Variants in KCTD8 observed in about 807,000 individuals in gnomAD.
The protein encoded by KCTD8 is BTB/POZ domain-containing protein KCTD8.
A neutral mutation model predicts 31.5 loss-of-function variants in KCTD8; 27 were observed. The ratio of observed to expected loss-of-function variants is 0.86; its 90% confidence interval spans 0.63 to 1.18. KCTD8 has a LOEUF of 1.18. Among genes scored for constraint, KCTD8 ranks in the 50% most tolerant of loss-of-function variants. KCTD8 has a pLI of 0.00. For synonymous variants in KCTD8, 290 were observed against 280.0 expected (o/e 1.04, Z -0.36); for missense variants, 658 against 647.7 (o/e 1.02, Z -0.17).
chr4:44,350,782 ATTAT>A (rs906187443), intron 1 of KCTD8, among the ~76,000 whole-genome samples: 2 of 152,164 alleles, frequency 1.3e-5, no homozygotes, highest in Non-Finnish European at 2.9e-5. Flanking sequence ...TATCATTTCC[ATTAT>A]TTATTTAACA....
intron 1 of KCTD8, among the ~76,000 whole-genome samples, chr4:44,195,644 G>A (rs956804925): frequency 6.6e-6 from 1 of 152,046 alleles, no homozygotes; most frequent in Non-Finnish European, 1.5e-5. Context: ...AAAATCTTTA[G>A]TATTATGTGT....
chr4:44,441,342 G>A (rs1174721972), intron 1 of KCTD8, among the ~76,000 whole-genome samples: 2 of 151,926 alleles, frequency 1.3e-5, no homozygotes, highest in Non-Finnish European at 2.9e-5. Context: ...GGACTCAAAT[G>A]CTTTATTTTC....
Position 44,213,226 on chromosome 4 carries a change from G to A in KCTD8, c.962-37976C>T, listed in dbSNP as rs373763280. Reference sequence around the variant, plus strand: ...GCTGGGAATACAGGCATGAGCCACCGTGCCCAGCCTTCTTTTTTTTATTGA... The same window carrying A: ...GCTGGGAATACAGGCATGAGCCACCATGCCCAGCCTTCTTTTTTTTATTGA... On this transcript the variant is annotated intron_variant, in intron 1 of 1. Coordinates refer to ENST00000360029, the MANE Select transcript of KCTD8 (RefSeq NM_198353.3). Among the ~76,000 whole-genome samples the A allele has an allele frequency of 6.6e-5, 10 of 152,112 alleles. No homozygotes were observed. In the East Asian group the frequency reaches 1.5e-3, roughly 24 times the overall value.
At chr4:44,323,857 G>A (rs796801767) in intron 1 of KCTD8, among the ~76,000 whole-genome samples, 15 of 151,472 alleles carry the variant, frequency 9.9e-5, no homozygotes, top group African/African-American at 2.9e-4. Context: ...CATTATCATC[G>A]CCTGGTCTGT....
At chr4:44,318,040 T>G (rs1008545090) in intron 1 of KCTD8, among the ~76,000 whole-genome samples, 1 of 152,250 alleles carries the variant, frequency 6.6e-6, no homozygotes, top group Admixed American at 6.5e-5. Context: ...GACTCTGAAG[T>G]TGAAGCATCT....
At chr4:44,303,328 G>A (rs1321509737) in intron 1 of KCTD8, among the ~76,000 whole-genome samples, 13 of 151,712 alleles carry the variant, frequency 8.6e-5, no homozygotes, top group Admixed American at 3.9e-4. Context: ...GGTAGAATTC[G>A]GCTGTGAATC....
rs567123182 is a variant in KCTD8, at chr4:44,228,196, G to A, written c.962-52946C>T. Among the ~76,000 whole-genome samples, 11 of 152,158 alleles carry A rather than the reference G, an allele frequency of 7.2e-5. No homozygotes were observed. The South Asian group carries it at 8.3e-4, about 12-fold the overall frequency. On this transcript the variant is annotated intron_variant, in intron 1 of 1. Coordinates refer to ENST00000360029, the MANE Select transcript of KCTD8 (RefSeq NM_198353.3). ...AGAAAATTATTTTCTCACAATTCTC[G>A]GGCTAGAATTCTGAGATCAAGGTGT...
In KCTD8 at chr4:44,448,538, C is replaced by G; in HGVS notation, c.-15G>C. The G allele has an allele frequency of 6.9e-7, 1 of 1,450,360 alleles. No individual in the cohort carries two copies. 89.8% of individuals were successfully genotyped at this position (1,450,360 alleles called of 1,614,324 possible). ...TTCAGAGCCATAGTCCCCCCGCCGCCGGCCCAGTGACCCGAGAGAGCTGCA... is the reference window on the plus strand; with the variant it reads ...TTCAGAGCCATAGTCCCCCCGCCGCGGGCCCAGTGACCCGAGAGAGCTGCA... On this transcript the variant is annotated 5_prime_UTR_variant, in exon 1 of 2. Transcript: ENST00000360029. The surrounding 1 kb of genome is among the most constrained non-coding windows in gnomAD (Gnocchi z 4.1).
intron 1 of KCTD8, among the ~76,000 whole-genome samples, chr4:44,415,081 A>G (rs1382408305): frequency 6.6e-6 from 1 of 152,158 alleles, no homozygotes; most frequent in Non-Finnish European, 1.5e-5. Flanking sequence ...AGTTATTGGG[A>G]AGTGAAGTAA....
At chr4:44,345,482 G>A (rs947349794) in intron 1 of KCTD8, among the ~76,000 whole-genome samples, 5 of 152,008 alleles carry the variant, frequency 3.3e-5, no homozygotes, top group Non-Finnish European at 5.9e-5. Context: ...TGTAGAGATA[G>A]TTAAAATAAA....
At chr4:44,297,365 A>G (rs550833824) in intron 1 of KCTD8, among the ~76,000 whole-genome samples, 3 of 152,228 alleles carry the variant, frequency 2.0e-5, no homozygotes, top group East Asian at 1.9e-4. Flanking sequence ...CTTTTTTGAC[A>G]TAACATGGTC....
At chr4:44,196,434 C>T (rs1577824387) in intron 1 of KCTD8, among the ~76,000 whole-genome samples, 2 of 152,144 alleles carry the variant, frequency 1.3e-5, no homozygotes, top group East Asian at 3.9e-4. Context: ...AGATTAAATG[C>T]TCTTATATTT....
At chr4:44,249,863 C>T (rs1392872424) in intron 1 of KCTD8, among the ~76,000 whole-genome samples, 1 of 151,384 alleles carries the variant, frequency 6.6e-6, no homozygotes, top group African/African-American at 2.4e-5. Context: ...GTCACTCTTC[C>T]TATCCTATCC....
At chr4:44,255,231 A>G (rs1715957348) in intron 1 of KCTD8, among the ~76,000 whole-genome samples, 1 of 151,838 alleles carries the variant, frequency 6.6e-6, no homozygotes. Flanking sequence ...AGCAGAATCT[A>G]TGCCTTTCTT....
rs145985106 is a variant in KCTD8 at position 44,227,877 on chromosome 4, C to A, written c.962-52627G>T. On this transcript the variant is annotated intron_variant, in intron 1 of 1. Transcript: ENST00000360029. ...GCACCTACACCCTTCATCCAAATCA[C>A]CGTCCTATTTATTCTAATATATTTC... 7.0e-3 allele frequency among the ~76,000 whole-genome samples: 1,063 copies of A among 152,236 alleles called. 18 individuals carry two copies. Among genetic ancestry groups the A allele is most frequent in the African/African-American group, 0.024 (998 of 41,552 alleles).
intron 1 of KCTD8, among the ~76,000 whole-genome samples, chr4:44,294,807 G>C (rs1310627668): frequency 6.6e-6 from 1 of 152,088 alleles, no homozygotes; most frequent in Non-Finnish European, 1.5e-5. Flanking sequence ...AACAGATTAA[G>C]GTAGAGTTGA....
chr4:44,270,355 C>G (rs1436984810), intron 1 of KCTD8, among the ~76,000 whole-genome samples: 1 of 129,782 alleles, frequency 7.7e-6, no homozygotes, highest in African/African-American at 3.0e-5. Flanking sequence ...AACACATGGA[C>G]ACACGAAGGG....
chr4:44,300,173 G>A (rs1577601754), intron 1 of KCTD8, among the ~76,000 whole-genome samples: 1 of 151,992 alleles, frequency 6.6e-6, no homozygotes, highest in Non-Finnish European at 1.5e-5. Flanking sequence ...TTATAACTAA[G>A]TCTACACACT....
intron 1 of KCTD8, among the ~76,000 whole-genome samples, chr4:44,193,101 T>A (rs1183684687): frequency 6.6e-6 from 1 of 152,172 alleles, no homozygotes; most frequent in South Asian, 2.1e-4. Flanking sequence ...ACACCACTAG[T>A]TGAAAAAGAT....
Sources: gnomAD v4.1 joint callset for allele counts (sites outside exome capture counted in the v4.1 genomes callset) on GRCh38, gnomAD v4.1.1 for gene constraint, Gnocchi (gnomAD v3.1) non-coding constraint, MANE v1.5 for transcripts, NCBI Gene and HGNC (gene_info 2026-07-23, HGNC 2026-07-21) for gene names.